RAB11A: variants seen among roughly 807,000 people sequenced by gnomAD.
RAB11A encodes ras-related protein Rab-11A.
A neutral mutation model predicts 28.0 loss-of-function variants in RAB11A; 9 were observed. The observed-to-expected ratio is 0.32, with a 90% CI of 0.19 to 0.56. The LOEUF is 0.56. RAB11A is among the 20% of genes least tolerant of loss of function. The pLI is 0.91. For synonymous variants in RAB11A, 85 were observed against 88.2 expected (o/e 0.96, Z 0.20); for missense variants, 108 against 269.6 (o/e 0.40, Z 4.20).
chr15:65,869,821 T>G (rs2078147360), intron 1 of RAB11A, among the ~76,000 whole-genome samples, 196 bp downstream of exon 1: 1 of 152,212 alleles, frequency 6.6e-6, no homozygotes, highest in African/African-American at 2.4e-5. Flanking sequence ...TGCCGCTCTC[T>G]GAGCGACCTC....
rs978805456 is a variant in RAB11A at position 65,881,900 on chromosome 15, A to C, written c.511+2149A>C. Among the ~76,000 whole-genome samples the C allele has an allele frequency of 3.7e-3, 549 of 148,744 alleles. 3 individuals carry two copies. The highest frequency in any genetic ancestry group is 0.013 in the African/African-American group (507 of 40,004). On this transcript the variant is annotated intron_variant, in intron 4 of 4. Transcript: ENST00000261890. Reference sequence around the variant, plus strand: ...TCTAAAAAAAAAAAAAAAAAAAAAAAACACAAAAAAATTAGCCAGGCATGG... The same window carrying C: ...TCTAAAAAAAAAAAAAAAAAAAAAACACACAAAAAAATTAGCCAGGCATGG...
rs550741408 is a variant in RAB11A at position 65,874,833 on chromosome 15, C to T, written c.41-2499C>T. On this transcript the variant is annotated intron_variant, in intron 1 of 4. Coordinates refer to ENST00000261890, the MANE Select transcript of RAB11A (RefSeq NM_004663.5). The stretch of plus-strand genomic sequence containing the variant: ...GGCCAAAGCGAGTGGATCTTTTGAG[C>T]CCTGGAGTTTGAGACCCAGCCTGGG... 8.6e-5 allele frequency among the ~76,000 whole-genome samples: 13 copies of T among 152,012 alleles called. 1 individual carries two copies. In the East Asian group the frequency reaches 2.6e-3, roughly 30 times the overall value.
chr15:65,884,661 C>T (rs951609986), intron 4 of RAB11A, among the ~76,000 whole-genome samples: 5 of 150,842 alleles, frequency 3.3e-5, no homozygotes, highest in African/African-American at 1.2e-4. Context: ...AGGATGTCTG[C>T]TAATAAAAAT....
rs1286690751 is a variant in RAB11A, at chr15:65,885,156, C to G, written c.512-2545C>G. On this transcript the variant is annotated intron_variant, in intron 4 of 4. Coordinates refer to ENST00000261890, the MANE Select transcript of RAB11A (RefSeq NM_004663.5). ...CAGTTTTTTTTTTTTTTTTTTGAGA[C>G]AGTGTGCTCTGTTGCCCAGGCTGGA... 3.9e-5 allele frequency among the ~76,000 whole-genome samples: 5 copies of G among 128,782 alleles called. No individual in the cohort carries two copies. The East Asian group carries it at 1.3e-3, about 33-fold the overall frequency. The allele number at this position is 128,782 out of a possible 152,430, so 84.5% of individuals were successfully genotyped here.
At chr15:65,869,782 C>A (rs2078146692) in intron 1 of RAB11A, among the ~76,000 whole-genome samples, 157 bp downstream of exon 1, 1 of 152,182 alleles carries the variant, frequency 6.6e-6, no homozygotes, top group Non-Finnish European at 1.5e-5. Context: ...AGCCTCTTCT[C>A]CCCCGCTCAG....
chr15:65,871,921 T>G (rs75447914), intron 1 of RAB11A, among the ~76,000 whole-genome samples: 8 of 82,634 alleles, frequency 9.7e-5, no homozygotes, highest in African/African-American at 3.9e-4. Flanking sequence ...TTTTGTCAGT[T>G]TTTTTTTTTT....
Position 65,887,770 on chromosome 15 carries a change from A to G in RAB11A, c.581A>G (p.Asn194Ser), listed in dbSNP as rs375723446. 32 of 1,613,726 alleles carry G rather than the reference A, an allele frequency of 2.0e-5. No individual in the cohort carries two copies. Among genetic ancestry groups the G allele is most frequent in the Non-Finnish European group, 2.7e-5 (32 of 1,179,840 alleles). ...RRENDMSPSNNVVPIHVPPTT... is the reference protein window; with the variant it reads ...RRENDMSPSNSVVPIHVPPTT... ...GAAAATGACATGTCTCCAAGCAACA[A>G]TGTGGTTCCTATTCATGTTCCACCA... The change falls in exon 5 of 5, where the codon AAT (asparagine) becomes AGT (serine). Residue 194 changes from asparagine (N) to serine (S), a missense_variant. By Grantham distance (46) the Asn-to-Ser change is conservative (BLOSUM62 1). This residue lies in a region of RAB11A where 85 missense variants were observed against 145.9 expected (regional missense o/e 0.58). Transcript: ENST00000261890.
Position 65,890,237 on chromosome 15 carries a change from T to G in RAB11A, c.*2397T>G, listed in dbSNP as rs2078282381. On this transcript the variant is annotated 3_prime_UTR_variant, in exon 5 of 5. Transcript: ENST00000261890. ...CACGACTGGCTAATTTTTTGTATTTTTAGTAGAGACGGGGTTTCACCATGT... is the reference window on the plus strand; with the variant it reads ...CACGACTGGCTAATTTTTTGTATTTGTAGTAGAGACGGGGTTTCACCATGT... The G allele has an allele frequency of 6.6e-6, 1 of 152,300 alleles. No individual in the cohort carries two copies. The highest frequency in any genetic ancestry group is 1.5e-5 in the Non-Finnish European group (1 of 68,214). 9.4% of individuals were successfully genotyped at this position (152,300 alleles called of 1,614,324 possible).
chr15:65,870,552 A>G (rs1449040816), intron 1 of RAB11A, among the ~76,000 whole-genome samples: 2 of 152,170 alleles, frequency 1.3e-5, no homozygotes, highest in East Asian at 1.9e-4. Flanking sequence ...GGTGGCTGTT[A>G]TCCTTGCCAG....
At position 65,877,891 on chromosome 15, in the gene RAB11A, G is replaced by T. The variant is rs1267826998; in HGVS notation, c.366G>T (p.Val122=). 15 of 1,613,758 alleles carry T rather than the reference G, an allele frequency of 9.3e-6. No homozygotes were observed. In the East Asian group the frequency reaches 3.3e-4, roughly 36 times the overall value. The part of the protein sequence containing the change: ...HADSNIVIML[V]GNKSDLRHLR... ...ATAGTAACATTGTTATCATGCTTGT[G>T]GGCAATAAGAGTGATCTACGTCATC... The change falls in exon 3 of 5, where the codon GTG becomes GTT. Residue 122 remains valine, a synonymous_variant. Coordinates refer to ENST00000261890, the MANE Select transcript of RAB11A (RefSeq NM_004663.5). The surrounding 1 kb of genome is among the most constrained non-coding windows in gnomAD (Gnocchi z 4.1).
Position 65,877,945 on chromosome 15 carries a change from A to C in RAB11A, c.420A>C (p.Arg140Ser). ...HLRAVPTDEARAFAEKNGLSF... is the reference protein window; with the variant it reads ...HLRAVPTDEASAFAEKNGLSF... ...GGGCAGTTCCTACAGATGAAGCAAG[A>C]GCTTTTGCAGGTTAGTGATAGGAAT... Residue 140 changes from arginine to serine, a missense_variant, in exon 3 of 5, where the codon AGA becomes AGC. By Grantham distance (110) the Arg-to-Ser change is moderately radical (BLOSUM62 -1). Coordinates refer to ENST00000261890, the MANE Select transcript of RAB11A (RefSeq NM_004663.5). This position sits in a 1 kb window ranked among gnomAD's most constrained non-coding sequence, Gnocchi z 4.1. The C allele has an allele frequency of 6.2e-7, 1 of 1,612,782 alleles. No individual in the cohort carries two copies. The highest frequency in any genetic ancestry group is 8.5e-7 in the Non-Finnish European group (1 of 1,178,870).
intron 1 of RAB11A, among the ~76,000 whole-genome samples, chr15:65,872,394 T>G (rs1596781356): frequency 6.6e-6 from 1 of 151,984 alleles, no homozygotes; most frequent in African/African-American, 2.4e-5. Context: ...TTTTGCTGTT[T>G]AAGATAGGGT....
At chr15:65,876,220 A>G (rs2078190647) in intron 1 of RAB11A, among the ~76,000 whole-genome samples, 1 of 152,226 alleles carries the variant, frequency 6.6e-6, no homozygotes, top group African/African-American at 2.4e-5. Context: ...AAGCAAATTC[A>G]TCTAATCAAG....
rs200680382 is a variant in RAB11A, at chr15:65,869,662, G to C, written c.40+37G>C. Reference sequence around the variant, plus strand: ...GGCTCTCGCACTCTACACAGTCCTCGTTCGGGGACCCGGGCCACTCCCGGT... The same window carrying C: ...GGCTCTCGCACTCTACACAGTCCTCCTTCGGGGACCCGGGCCACTCCCGGT... On this transcript the variant is annotated intron_variant, in intron 1 of 4. Transcript: ENST00000261890. The C allele has an allele frequency of 4.8e-4, 765 of 1,593,370 alleles. 2 individuals carry two copies. The highest frequency in any genetic ancestry group is 9.4e-4 in the South Asian group (85 of 90,524).
rs1696975744 is a variant in RAB11A, at chr15:65,888,466, CA to C, written c.*630del. 1 of 152,340 alleles carries C rather than the reference CA, an allele frequency of 6.6e-6. No individual in the cohort carries two copies. The highest frequency in any genetic ancestry group is 2.4e-5 in the African/African-American group (1 of 41,388). The allele number at this position is 152,340 out of a possible 1,614,324, so 9.4% of individuals were successfully genotyped here. A position where few individuals can be genotyped will look rare whatever the true frequency, so the allele number is the denominator to read the frequency against. ...TTCTGGAGAATTCTCTTAGTAAACA[CA>C]AAAGATTGTTACGGTTTCATTAGTA... On this transcript the variant is annotated 3_prime_UTR_variant, in exon 5 of 5. Coordinates refer to ENST00000261890, the MANE Select transcript of RAB11A (RefSeq NM_004663.5).
chr15:65,874,768 G>A (rs1169682722), intron 1 of RAB11A, among the ~76,000 whole-genome samples: 2 of 152,018 alleles, frequency 1.3e-5, no homozygotes, highest in African/African-American at 2.4e-5. Flanking sequence ...GGAGTTGGCC[G>A]GGCATGGTGG....
At position 65,887,692 on chromosome 15, in the gene RAB11A, T is replaced by A; in HGVS notation, c.512-9T>A. 1 of 1,607,460 alleles carries A rather than the reference T, an allele frequency of 6.2e-7. No individual in the cohort carries two copies. The highest frequency in any genetic ancestry group is 8.5e-7 in the Non-Finnish European group (1 of 1,176,792). ...CACACTAAGTATTGTGGTTTCTTTT[T>A]TCCTTCAGAGATTTACCGCATTGTT... On this transcript the variant is annotated splice_polypyrimidine_tract_variant and intron_variant, in intron 4 of 4. Transcript: ENST00000261890.
chr15:65,869,668 G>A (rs1229835922), intron 1 of RAB11A, 43 bp downstream of exon 1: 57 of 1,586,472 alleles, frequency 3.6e-5, no homozygotes, highest in Non-Finnish European at 4.8e-5. Context: ...CCTCGTTCGG[G>A]GACCCGGGCC....
chr15:65,880,150 A>G (rs1207571467), intron 4 of RAB11A, among the ~76,000 whole-genome samples: 2 of 152,250 alleles, frequency 1.3e-5, no homozygotes, highest in Non-Finnish European at 2.9e-5. Context: ...ATTTTTAAAA[A>G]TTATAGCGAC....
Sources: allele counts gnomAD v4.1 joint callset (sites outside exome capture counted in the v4.1 genomes callset), GRCh38; gene constraint gnomAD v4.1.1; regional missense constraint gnomAD v4.1.1; non-coding constraint Gnocchi (gnomAD v3.1); transcripts MANE v1.5; gene names NCBI Gene and HGNC (gene_info 2026-07-23, HGNC 2026-07-21).